TBC1D9B: variants seen among roughly 807,000 people sequenced by gnomAD.
The protein encoded by TBC1D9B is TBC1 domain family, member 9B (with GRAM domain).
A neutral mutation model predicts 121.1 loss-of-function variants in TBC1D9B; 87 were observed. The ratio of observed to expected loss-of-function variants is 0.72; its 90% CI spans 0.60 to 0.86. The LOEUF is 0.86. Ranked by LOEUF, TBC1D9B falls within the 40% of genes least tolerant of loss-of-function variation. The probability of loss-of-function intolerance (pLI) is 0.00; values close to 1 mark genes in which losing one functional copy is unlikely to be tolerated. For missense variants in TBC1D9B, 1,540 were observed against 1,628.6 expected, an observed-to-expected ratio of 0.95 and a Z score of 0.94; for synonymous variants, 668 against 670.1, an observed-to-expected ratio of 1.00 and a Z score of 0.05.
Position 179,874,757 on chromosome 5 carries a change from G to T in TBC1D9B, c.2186+145C>A, listed in dbSNP as rs539831252. 348 of 1,189,946 alleles carry T rather than the reference G, an allele frequency of 2.9e-4. 3 individuals are homozygous for T. The African/African-American group carries it at 4.9e-3, about 17-fold the overall frequency. The allele number at this position is 1,189,946 out of a possible 1,614,324, so 73.7% of individuals were successfully genotyped here. On this transcript the variant is annotated intron_variant, in intron 12 of 20. Transcript: ENST00000355235. This position sits in a 1 kb window ranked among gnomAD's most constrained non-coding sequence, Gnocchi z 4.3. The stretch of plus-strand genomic sequence containing the variant: ...CTTCATCTCCCACTAGAAAGGAGCC[G>T]CCTCCTGACCCCAGAGCACCCCCGG...
chr5:179,893,378 C>A lies in TBC1D9B; in HGVS notation c.667G>T (p.Asp223Tyr). 6.2e-7 allele frequency: 1 copy of A among 1,614,070 alleles called. No individual in the cohort carries two copies. The highest frequency in any genetic ancestry group is 8.5e-7 in the Non-Finnish European group (1 of 1,180,014). The change falls in exon 5 of 21, where the codon GAC becomes TAC. Residue 223 changes from aspartate (D) to tyrosine (Y), a missense_variant. Asp to Tyr is a radical substitution (Grantham distance 160). Transcript: ENST00000355235. The stretch of plus-strand genomic sequence containing the variant: ...AACATGGAGAAGAAGAGCTCCTGGT[C>A]GCGGGTGTCCACACGGATGCTCTCG... Reference protein sequence around the residue: ...FPESIRVDTRDQELFFSMFLN... With the variant: ...FPESIRVDTRYQELFFSMFLN...
intron 16 of TBC1D9B, 40 bp from the exon 17 acceptor site, chr5:179,869,874 G>A (rs1483590174): frequency 1.3e-6 from 2 of 1,516,950 alleles, no homozygotes; most frequent in Non-Finnish European, 1.8e-6. Context: ...TGGCAACATG[G>A]CTGCAGAGCC....
intron 1 of TBC1D9B, among the ~76,000 whole-genome samples, chr5:179,905,233 C>T (rs919641072): frequency 2.5e-4 from 38 of 152,204 alleles, no homozygotes; most frequent in African/African-American, 8.7e-4. Flanking sequence ...TCCAGAAAAC[C>T]AACACAATGT....
intron 9 of TBC1D9B, 74 bp from the exon 10 acceptor site, chr5:179,878,597 G>A: frequency 7.1e-7 from 1 of 1,414,198 alleles, no homozygotes; most frequent in Non-Finnish European, 9.7e-7. Flanking sequence ...GCAGGTTGGA[G>A]TCACCGGGTG....
At chr5:179,872,770 T>C (rs958973834) in intron 14 of TBC1D9B, 122 bp downstream of exon 14, 1 of 888,918 alleles carries the variant, frequency 1.1e-6, no homozygotes, top group Non-Finnish European at 1.8e-6. Flanking sequence ...CCTACCATGA[T>C]GTACATACCA....
chr5:179,869,781 G>A lies in TBC1D9B; in HGVS notation c.2779C>T (p.His927Tyr). 6.2e-7 allele frequency: 1 copy of A among 1,602,358 alleles called. No homozygotes were observed. The highest frequency in any genetic ancestry group is 8.5e-7 in the Non-Finnish European group (1 of 1,173,620). ...AGGAGGCTCTCACCTGGGGGAAGGT[G>A]TAGCTTGTAGAGCACCTTGAGCTTC... ...TEKLKVLYKL[H>Y]LPPALSPEEA... Residue 927 changes from histidine (H) to tyrosine (Y), a missense_variant, in exon 17 of 21, where the codon CAC (histidine) becomes TAC (tyrosine). Transcript: ENST00000355235.
At position 179,907,815 on chromosome 5, in the gene TBC1D9B, G is replaced by C; in HGVS notation, c.7C>G (p.Leu3Val). 8.4e-7 allele frequency: 1 copy of C among 1,185,950 alleles called. No homozygotes were observed. Among genetic ancestry groups the C allele is most frequent in the Non-Finnish European group, 1.1e-6 (1 of 933,318 alleles). The allele number at this position is 1,185,950 out of a possible 1,614,324, so 73.5% of individuals were successfully genotyped here. A position where few individuals can be genotyped will look rare whatever the true frequency, so the allele number is the denominator to read the frequency against. ...GCCACCAGCACCTCCTCCGGGCTCA[G>C]CCACATCGCGGAGCCGCTCGCACCG... MW[L>V]SPEEVLVANA... Residue 3 changes from leucine (L) to valine (V), a missense_variant, in exon 1 of 21, where the codon CTG (leucine) becomes GTG (valine). Coordinates refer to ENST00000355235, the MANE Select transcript of TBC1D9B (RefSeq NM_015043.4). This position sits in a 1 kb window ranked among gnomAD's most constrained non-coding sequence, Gnocchi z 5.3.
Position 179,875,204 on chromosome 5 carries a change from C to A in TBC1D9B, c.1901-17G>T. On this transcript the variant is annotated splice_polypyrimidine_tract_variant and intron_variant, in intron 11 of 20. Transcript: ENST00000355235. This position sits in a 1 kb window ranked among gnomAD's most constrained non-coding sequence, Gnocchi z 4.5. Reference sequence around the variant, plus strand: ...CCAGGGCTCCTGCGGGCAGGATGAGCGAGGCTGATGGTGAGCCCACCCTGT... The same window carrying A: ...CCAGGGCTCCTGCGGGCAGGATGAGAGAGGCTGATGGTGAGCCCACCCTGT... 1 of 1,609,180 alleles carries A rather than the reference C, an allele frequency of 6.2e-7. No homozygotes were observed. The highest frequency in any genetic ancestry group is 8.5e-7 in the Non-Finnish European group (1 of 1,178,702).
intron 3 of TBC1D9B, among the ~76,000 whole-genome samples, chr5:179,897,600 C>T (rs1371470575): frequency 6.6e-6 from 1 of 152,238 alleles, no homozygotes; most frequent in Non-Finnish European, 1.5e-5. Context: ...GCTGGGATTA[C>T]AGGTGTGAGC....
rs1283171431 is a variant in TBC1D9B at position 179,907,714 on chromosome 5, G to A, written c.108C>T (p.Gly36=). The A allele has an allele frequency of 8.6e-7, 1 of 1,169,572 alleles. No homozygotes were observed. Among genetic ancestry groups the A allele is most frequent in the Non-Finnish European group, 1.1e-6 (1 of 924,356 alleles). The allele number at this position is 1,169,572 out of a possible 1,614,324, so 72.4% of individuals were successfully genotyped here. A position where few individuals can be genotyped will look rare whatever the true frequency, so the allele number is the denominator to read the frequency against. The part of the protein sequence containing the change: ...LQRRRGHGRG[G]GLTGLLVGTL... ...CCGCGCGCCTCTCACCCGTAAGGCC[G>A]CCGCCCCTGCCGTGGCCCCGGCGTC... The change falls in exon 1 of 21, where the codon GGC becomes GGT. Residue 36 remains glycine (G), a synonymous_variant. Coordinates refer to ENST00000355235, the MANE Select transcript of TBC1D9B (RefSeq NM_015043.4). The surrounding 1 kb of genome is among the most constrained non-coding windows in gnomAD (Gnocchi z 5.3).
chr5:179,870,587 G>A, intron 15 of TBC1D9B, 92 bp from the exon 16 acceptor site: 2 of 1,472,870 alleles, frequency 1.4e-6, no homozygotes, highest in Non-Finnish European at 1.8e-6. Context: ...CTCCCCCTCT[G>A]TCCAAGCCTG....
Position 179,862,434 on chromosome 5 carries a change from A to G in TBC1D9B, c.*1014T>C. ...CAGTCTGGTTCTTGAACCCAAGGGCAGACAGCTTGCTACAGCCCAGGCCTG... is the reference window on the plus strand; with the variant it reads ...CAGTCTGGTTCTTGAACCCAAGGGCGGACAGCTTGCTACAGCCCAGGCCTG... On this transcript the variant is annotated 3_prime_UTR_variant, in exon 21 of 21. Coordinates refer to ENST00000355235, the MANE Select transcript of TBC1D9B (RefSeq NM_015043.4). The G allele has an allele frequency of 5.0e-6, 2 of 401,056 alleles. No homozygotes were observed. The highest frequency in any genetic ancestry group is 1.1e-5 in the Non-Finnish European group (2 of 190,130). The allele number at this position is 401,056 out of a possible 1,614,324, so 24.8% of individuals were successfully genotyped here.
chr5:179,880,135 G>A (rs1582087198), intron 7 of TBC1D9B: 2 of 303,602 alleles, frequency 6.6e-6, no homozygotes, highest in East Asian at 1.5e-4. Flanking sequence ...GCACACCCCT[G>A]CCCACCCTCG....
intron 17 of TBC1D9B, chr5:179,868,406 C>T (rs1760085010): frequency 6.6e-6 from 1 of 152,276 alleles, no homozygotes; most frequent in East Asian, 1.9e-4. Context: ...GTCTCCAACT[C>T]CTGACTTCAA....
chr5:179,867,449 A>C, intron 18 of TBC1D9B: 1 of 1,555,836 alleles, frequency 6.4e-7, no homozygotes, highest in Non-Finnish European at 8.7e-7. Context: ...ACTGACCTTG[A>C]GCCTCCCAGG....
chr5:179,863,438 G>C lies in TBC1D9B; in HGVS notation c.*10C>G. 6.2e-7 allele frequency: 1 copy of C among 1,610,320 alleles called. No homozygotes were observed. Among genetic ancestry groups the C allele is most frequent in the Non-Finnish European group, 8.5e-7 (1 of 1,177,768 alleles). ...ATGACACCTTGGGCCAGGCCTCACA[G>C]CTGCAGGCATCAGCCGGAAACTCCA... On this transcript the variant is annotated 3_prime_UTR_variant, in exon 21 of 21. Transcript: ENST00000355235. The surrounding 1 kb of genome is among the most constrained non-coding windows in gnomAD (Gnocchi z 4.5).
At position 179,895,815 on chromosome 5, in the gene TBC1D9B, CTTCTAT is replaced by C. The variant is rs542614602; in HGVS notation, c.349-1207_349-1202del. Among the ~76,000 whole-genome samples the C allele has an allele frequency of 4.8e-4, 73 of 152,322 alleles. 3 individuals are homozygous for C. The South Asian group carries it at 0.015, about 31-fold the overall frequency. On this transcript the variant is annotated intron_variant, in intron 3 of 20. Transcript: ENST00000355235. ...TGAAAGGTGGGATCTGTTCTGATTTCTTCTATTTCTGAGTAGCCAGGGAAGGAAACT... is the reference window on the plus strand; with the variant it reads ...TGAAAGGTGGGATCTGTTCTGATTTCTTCTGAGTAGCCAGGGAAGGAAACT...
chr5:179,904,829 G>T lies in TBC1D9B; in HGVS notation c.119-17C>A. 1.3e-6 allele frequency: 2 copies of T among 1,541,900 alleles called. No homozygotes were observed. Among genetic ancestry groups the T allele is most frequent in the Non-Finnish European group, 1.8e-6 (2 of 1,141,006 alleles). On this transcript the variant is annotated splice_polypyrimidine_tract_variant and intron_variant, in intron 1 of 20. Transcript: ENST00000355235. This position sits in a 1 kb window ranked among gnomAD's most constrained non-coding sequence, Gnocchi z 4.2. ...CGAGAAGACCTGGGAACAGGGCAGA[G>T]AGACATAGAGGGTGAGGGGAGGGCC... is the stretch of plus-strand genomic sequence containing the variant.
chr5:179,879,136 A>T lies in TBC1D9B; in HGVS notation c.1478T>A (p.Val493Glu). 6.2e-7 allele frequency: 1 copy of T among 1,607,564 alleles called. No individual in the cohort carries two copies. Among genetic ancestry groups the T allele is most frequent in the Non-Finnish European group, 8.5e-7 (1 of 1,179,782 alleles). ...HIHFFEYGRG[V>E]CMYRTAKTRA... ...CGTCTTGGCTGTGCGGTACATGCAC[A>T]CGCCACGCCCGTACTCGAAGAAGTG... The change falls in exon 9 of 21, where the codon GTG (valine) becomes GAG (glutamate). Residue 493 changes from valine to glutamate, a missense_variant. Transcript: ENST00000355235.
Sources: gnomAD v4.1 joint callset for allele counts (sites outside exome capture counted in the v4.1 genomes callset) on GRCh38, gnomAD v4.1.1 for gene constraint, Gnocchi (gnomAD v3.1) non-coding constraint, MANE v1.5 for transcripts, NCBI Gene and HGNC (gene_info 2026-07-23, HGNC 2026-07-21) for gene names.